The following GPR89B variants were observed in gnomAD, a reference collection of about 807,000 sequenced individuals.
GPR89B encodes the protein G protein-coupled receptor 89B.
A neutral mutation model predicts 52.4 loss-of-function variants in GPR89B; 25 were observed. The observed-to-expected ratio is 0.48, with a 90% CI of 0.35 to 0.67. The LOEUF (loss-of-function observed/expected upper bound fraction) is 0.67, where lower values mean the gene tolerates loss of function less well. Ranked by LOEUF, GPR89B falls within the 30% of genes least tolerant of loss-of-function variation. The pLI is 0.01. For synonymous variants in GPR89B, 52 were observed against 151.2 expected (o/e 0.34, Z 4.81); for missense variants, 146 against 450.2 (o/e 0.32, Z 6.11).
chr1:147,979,896 C>T (rs1463589371), intron 10 of GPR89B, among the ~76,000 whole-genome samples: 2 of 151,652 alleles, frequency 1.3e-5, no homozygotes, highest in Non-Finnish European at 2.9e-5. Flanking sequence ...CGAGACCAGC[C>T]TGGGCAGCAT....
chr1:148,014,905 A>T, the GPR89B span: 1 of 151,428 alleles, frequency 6.6e-6, no homozygotes, highest in Non-Finnish European at 1.5e-5. Context: ...CTTCAGAATC[A>T]CCCAGTGAAC....
the GPR89B span, among the ~76,000 whole-genome samples, chr1:148,002,275 C>T: frequency 7.2e-5 from 11 of 152,048 alleles, no homozygotes; most frequent in Non-Finnish European, 1.2e-4. Context: ...CATATCTAGA[C>T]GATTGCTAAG....
At chr1:147,955,373 A>T (rs2149061454) in intron 7 of GPR89B, among the ~76,000 whole-genome samples, 1 of 152,152 alleles carries the variant, frequency 6.6e-6, no homozygotes, top group Non-Finnish European at 1.5e-5. Flanking sequence ...ATAGGTGTAC[A>T]GATATCTCTT....
At chr1:147,932,589 C>A (rs1200431821) in intron 1 of GPR89B, among the ~76,000 whole-genome samples, 3 of 152,170 alleles carry the variant, frequency 2.0e-5, no homozygotes, top group Admixed American at 6.5e-5. Context: ...ACCTCTCTTA[C>A]TCTTAGCAGA....
At chr1:147,959,224 G>GA (rs1205272740) in intron 7 of GPR89B, among the ~76,000 whole-genome samples, 21 of 151,916 alleles carry the variant, frequency 1.4e-4, no homozygotes, top group Non-Finnish European at 2.9e-4. Context: ...AACAGTGAGG[G>GA]AAAAAATGTT....
intron 12 of GPR89B, among the ~76,000 whole-genome samples, chr1:147,989,480 G>A (rs2995487): frequency 7.4e-5 from 11 of 148,906 alleles, no homozygotes; most frequent in Admixed American, 6.7e-4. Context: ...TGTGCACAAC[G>A]TGCAGGTTTG....
the GPR89B span, among the ~76,000 whole-genome samples, chr1:148,019,967 C>T: frequency 6.6e-6 from 1 of 151,710 alleles, no homozygotes; most frequent in East Asian, 1.9e-4. Context: ...AGGAGAGAAG[C>T]TCAATTATCA....
chr1:147,959,684 C>T (rs1415345744), intron 7 of GPR89B, among the ~76,000 whole-genome samples: 1 of 152,036 alleles, frequency 6.6e-6, no homozygotes, highest in Non-Finnish European at 1.5e-5. Context: ...ATAAACCCTT[C>T]CCAAATCTCT....
chr1:147,952,073 A>G (rs1655756499), intron 5 of GPR89B, among the ~76,000 whole-genome samples: 1 of 152,126 alleles, frequency 6.6e-6, no homozygotes, highest in Non-Finnish European at 1.5e-5. Flanking sequence ...TAATAAGGAC[A>G]TTGGCAAAGG....
At chr1:147,939,447 G>T (rs1207526290) in intron 3 of GPR89B, among the ~76,000 whole-genome samples, 3 of 152,146 alleles carry the variant, frequency 2.0e-5, no homozygotes, top group Admixed American at 2.0e-4. Context: ...TATATGTAGG[G>T]TTCATCAACT....
At chr1:147,981,351 A>AT (rs1658238319) in intron 10 of GPR89B, among the ~76,000 whole-genome samples, 6 of 150,502 alleles carry the variant, frequency 4.0e-5, no homozygotes, top group African/African-American at 1.5e-4. Context: ...ACACACACAA[A>AT]ATTAATAGGG....
the GPR89B span, among the ~76,000 whole-genome samples, chr1:148,013,451 C>T: frequency 6.6e-6 from 1 of 152,114 alleles, no homozygotes; most frequent in Non-Finnish European, 1.5e-5. Context: ...AGCATTTCTT[C>T]TCTCCCCAAG....
At chr1:147,951,501 A>G (rs1247136721) in intron 5 of GPR89B, among the ~76,000 whole-genome samples, 4 of 152,052 alleles carry the variant, frequency 2.6e-5, no homozygotes, top group Non-Finnish European at 5.9e-5. Context: ...GAGGAAATAG[A>G]TGGGGGTTGG....
intron 7 of GPR89B, among the ~76,000 whole-genome samples, chr1:147,961,750 A>G (rs1553252275): frequency 6.6e-6 from 1 of 152,146 alleles, no homozygotes; most frequent in African/African-American, 2.4e-5. Flanking sequence ...TGAAATACAT[A>G]GAAGTCTAAC....
chr1:148,007,383 TA>T, the GPR89B span, among the ~76,000 whole-genome samples: 5 of 152,222 alleles, frequency 3.3e-5, no homozygotes, highest in South Asian at 1.0e-3. Context: ...CCTGAGCTAT[TA>T]TTTTTTATTG....
At chr1:147,933,517 C>T (rs1338766696) in intron 1 of GPR89B, among the ~76,000 whole-genome samples, 1 of 152,094 alleles carries the variant, frequency 6.6e-6, no homozygotes, top group East Asian at 1.9e-4. Flanking sequence ...TATCTTGACC[C>T]ATCTTGCTGG....
intron 4 of GPR89B, 128 bp downstream of exon 4, chr1:147,943,672 A>G: frequency 1.7e-6 from 1 of 577,082 alleles, no homozygotes; most frequent in African/African-American, 1.9e-5. Context: ...CCTCACACAC[A>G]ACATCTTAAA....
rs1257629405 is a variant in GPR89B at position 147,975,896 on chromosome 1, C to T, written c.909+5937C>T. 2.0e-5 allele frequency among the ~76,000 whole-genome samples: 3 copies of T among 152,008 alleles called. No individual in the cohort carries two copies. The East Asian group carries it at 5.8e-4, about 29-fold the overall frequency. On this transcript the variant is annotated intron_variant, in intron 10 of 13. Transcript: ENST00000314163. ...GTATCAAATAACTTCTTGATTTCTG[C>T]CTTAATTTCATTATTTACCGAGGAG...
At chr1:147,947,293 G>A (rs1237417331) in intron 5 of GPR89B, among the ~76,000 whole-genome samples, 8 of 150,342 alleles carry the variant, frequency 5.3e-5, no homozygotes, top group Middle Eastern at 3.4e-3. Flanking sequence ...AGCTGAGATC[G>A]TGCCACTCCC....
Sources: gnomAD v4.1 joint callset for allele counts (sites outside exome capture counted in the v4.1 genomes callset) on GRCh38, gnomAD v4.1.1 for gene constraint, MANE v1.5 for transcripts, NCBI Gene and HGNC (gene_info 2026-07-23, HGNC 2026-07-21) for gene names.